Variants in ZC3HC1 observed in about 807,000 individuals in gnomAD.
ZC3HC1 encodes zinc finger C3HC-type containing 1, also known as zinc finger C3HC-type protein 1.
Under a neutral mutation model 61.9 loss-of-function variants are expected in ZC3HC1, and 38 were observed. The observed-to-expected ratio is 0.61, with a 90% CI of 0.47 to 0.81. The LOEUF (loss-of-function observed/expected upper bound fraction) is 0.81, where lower values mean the gene tolerates loss of function less well. ZC3HC1 is among the 30% of genes least tolerant of loss of function. ZC3HC1 has a pLI of 0.00. For missense variants in ZC3HC1, 554 were observed against 622.7 expected (o/e 0.89, Z 1.17); for synonymous variants, 213 against 229.9 (o/e 0.93, Z 0.67).
In ZC3HC1 at chr7:130,041,004, C is replaced by T; in HGVS notation, c.356G>A (p.Ser119Asn). Residue 119 changes from serine (S) to asparagine (N), a missense_variant, in exon 3 of 10, where the codon AGC (serine) becomes AAC (asparagine). Transcript: ENST00000358303. ...TVECDMLKCS[S>N]CQAFLCASLQ... The stretch of plus-strand genomic sequence containing the variant: ...ACTGGCACAGAGAAAAGCTTGACAG[C>T]TAGAGCACTTGAGCATATCACATTC... The T allele has an allele frequency of 6.2e-7, 1 of 1,613,990 alleles. No individual in the cohort carries two copies. Among genetic ancestry groups the T allele is most frequent in the Non-Finnish European group, 8.5e-7 (1 of 1,180,012 alleles).
chr7:130,050,021 C>A (rs949254702), intron 1 of ZC3HC1, among the ~76,000 whole-genome samples: 1 of 151,930 alleles, frequency 6.6e-6, no homozygotes, highest in South Asian at 2.1e-4. Flanking sequence ...CAAAGCAATT[C>A]TCTCATTTTC....
intron 9 of ZC3HC1, among the ~76,000 whole-genome samples, chr7:130,019,054 CTTTTTTT>C (rs397746688): frequency 1.5e-5 from 2 of 132,982 alleles, no homozygotes; most frequent in East Asian, 2.1e-4. Flanking sequence ...ACTGGTTTTT[CTTTTTTT>C]TTTTTTTTTT....
chr7:130,019,054 CTTT>C (rs397746688), intron 9 of ZC3HC1, among the ~76,000 whole-genome samples: 4 of 132,972 alleles, frequency 3.0e-5, no homozygotes, highest in Non-Finnish European at 1.6e-5. Context: ...ACTGGTTTTT[CTTT>C]TTTTTTTTTT....
intron 5 of ZC3HC1, chr7:130,027,360 G>A (rs918218028): frequency 1.3e-4 from 20 of 152,118 alleles, no homozygotes; most frequent in African/African-American, 4.3e-4. Flanking sequence ...AGTACTTGGA[G>A]GGGACTTTGG....
At chr7:130,040,922 G>C (rs1268998004) in intron 3 of ZC3HC1, 29 bp downstream of exon 3, 4 of 1,585,184 alleles carry the variant, frequency 2.5e-6, no homozygotes, top group Non-Finnish European at 8.6e-7. Context: ...TGAGTGTGGA[G>C]AAAAATGTAA....
chr7:130,036,411 A>C (rs1794433189), intron 4 of ZC3HC1, among the ~76,000 whole-genome samples: 2 of 151,626 alleles, frequency 1.3e-5, no homozygotes. Context: ...AGGAGGGAAA[A>C]ATTAGCCAGG....
intron 2 of ZC3HC1, among the ~76,000 whole-genome samples, chr7:130,047,768 G>A (rs920228456): frequency 6.6e-6 from 1 of 152,102 alleles, no homozygotes; most frequent in Non-Finnish European, 1.5e-5. Flanking sequence ...AGCTTTTAAG[G>A]TGGCTCCAAT....
rs1435557956 is a variant in ZC3HC1 at position 130,023,818 on chromosome 7, G to C, written c.1021-95C>G. ...TTTAATCTTTTTTCTTTTTTTTTTTGAGACAGAGTCTCGCTTTGTTGCCAA... is the reference window on the plus strand; with the variant it reads ...TTTAATCTTTTTTCTTTTTTTTTTTCAGACAGAGTCTCGCTTTGTTGCCAA... On this transcript the variant is annotated intron_variant, in intron 7 of 9. Transcript: ENST00000358303. The surrounding 1 kb of genome is among the most constrained non-coding windows in gnomAD (Gnocchi z 4.2). 9.4e-7 allele frequency: 1 copy of C among 1,062,770 alleles called. No individual in the cohort carries two copies. The highest frequency in any genetic ancestry group is 2.9e-5 in the Admixed American group (1 of 34,278). 65.8% of individuals were successfully genotyped at this position (1,062,770 alleles called of 1,614,324 possible).
At chr7:130,041,216 C>A in intron 2 of ZC3HC1, 115 bp from the exon 3 acceptor site, 23 of 1,189,788 alleles carry the variant, frequency 1.9e-5, no homozygotes, top group Non-Finnish European at 2.6e-5. Context: ...GAGAAAAGTT[C>A]TCACTCTGTC....
chr7:130,032,591 A>G (rs1246237458), intron 4 of ZC3HC1, among the ~76,000 whole-genome samples: 2 of 151,028 alleles, frequency 1.3e-5, no homozygotes, highest in East Asian at 3.9e-4. Flanking sequence ...AGCTGCAGTG[A>G]GCTATGATTG....
intron 4 of ZC3HC1, among the ~76,000 whole-genome samples, chr7:130,032,780 G>A (rs368382120): frequency 0.013 from 341 of 25,850 alleles, no homozygotes; most frequent in Middle Eastern, 0.031. Flanking sequence ...AGGGAAGGGA[G>A]GGAGGGGAGG....
At chr7:130,049,847 G>A (rs1411874907) in intron 1 of ZC3HC1, among the ~76,000 whole-genome samples, 1 of 151,646 alleles carries the variant, frequency 6.6e-6, no homozygotes, top group African/African-American at 2.4e-5. Flanking sequence ...ACAGCGCCTG[G>A]CAGAAATTCG....
intron 4 of ZC3HC1, among the ~76,000 whole-genome samples, chr7:130,032,196 C>A (rs1368504251): frequency 2.0e-5 from 3 of 147,510 alleles, no homozygotes; most frequent in Admixed American, 1.4e-4. Flanking sequence ...TGCACTCCAG[C>A]CTGGGCAACA....
intron 2 of ZC3HC1, chr7:130,045,184 T>C (rs1467142863): frequency 5.9e-6 from 1 of 168,332 alleles, no homozygotes; most frequent in Non-Finnish European, 1.3e-5. Context: ...TAGGAAATAT[T>C]TGGGAGTAGT....
At chr7:130,048,218 C>T (rs1018903818) in intron 2 of ZC3HC1, among the ~76,000 whole-genome samples, 2 of 147,166 alleles carry the variant, frequency 1.4e-5, no homozygotes, top group South Asian at 2.2e-4. Flanking sequence ...GGCGCGATCT[C>T]GACTCACTGC....
intron 6 of ZC3HC1, among the ~76,000 whole-genome samples, chr7:130,025,805 T>G (rs1188707137): frequency 1.5e-5 from 2 of 133,336 alleles, no homozygotes; most frequent in African/African-American, 5.7e-5. Context: ...AGGCGGAGCT[T>G]GCAGTGAGCT....
At chr7:130,025,155 C>T (rs531965223) in intron 6 of ZC3HC1, among the ~76,000 whole-genome samples, 5 of 151,260 alleles carry the variant, frequency 3.3e-5, no homozygotes, top group South Asian at 2.1e-4. Flanking sequence ...ATCCACCCGC[C>T]TTGGCCTCCC....
chr7:130,021,347 C>T (rs909285124), intron 9 of ZC3HC1, among the ~76,000 whole-genome samples: 10 of 152,146 alleles, frequency 6.6e-5, no homozygotes, highest in Admixed American at 1.3e-4. Flanking sequence ...TTATAGACTA[C>T]GATCAGAAAT....
intron 9 of ZC3HC1, among the ~76,000 whole-genome samples, chr7:130,021,052 C>T (rs1328293078): frequency 6.6e-6 from 1 of 152,002 alleles, no homozygotes; most frequent in Non-Finnish European, 1.5e-5. Flanking sequence ...CGCCTGCCAC[C>T]ACACATGGCA....
Sources: gnomAD v4.1 joint callset for allele counts (sites outside exome capture counted in the v4.1 genomes callset) on GRCh38, gnomAD v4.1.1 for gene constraint, Gnocchi (gnomAD v3.1) non-coding constraint, MANE v1.5 for transcripts, NCBI Gene and HGNC (gene_info 2026-07-23, HGNC 2026-07-21) for gene names.